The following ACBD3 variants were observed in gnomAD, a reference collection of about 807,000 sequenced individuals.
The protein encoded by ACBD3 is acyl-CoA binding domain containing 3.
A neutral mutation model predicts 66.9 loss-of-function variants in ACBD3; 30 were observed. The observed-to-expected ratio is 0.45, with a 90% CI of 0.34 to 0.61. The LOEUF is 0.61. ACBD3 is among the 20% of genes least tolerant of loss of function. The pLI is 0.02. For missense variants in ACBD3, 544 were observed against 664.5 expected, an observed-to-expected ratio of 0.82 and a Z score of 1.99; for synonymous variants, 278 against 259.8, an observed-to-expected ratio of 1.07 and a Z score of -0.68.
At chr1:226,182,920 T>C (rs1398431001) in intron 1 of ACBD3, among the ~76,000 whole-genome samples, 3 of 152,188 alleles carry the variant, frequency 2.0e-5, no homozygotes, top group South Asian at 2.1e-4. Flanking sequence ...AAGTCAATAA[T>C]GTCTGAAATT....
intron 6 of ACBD3, among the ~76,000 whole-genome samples, chr1:226,153,864 G>T (rs542455344): frequency 6.6e-6 from 1 of 152,230 alleles, no homozygotes; most frequent in East Asian, 1.9e-4. Context: ...TATAAGGATT[G>T]GTATGTGTGA....
intron 5 of ACBD3, among the ~76,000 whole-genome samples, chr1:226,158,190 C>CAAGGAATTTAAAG (rs1659710067): frequency 6.6e-6 from 1 of 152,152 alleles, no homozygotes; most frequent in African/African-American, 2.4e-5. Flanking sequence ...TACACATTTT[C>CAAGGAATTTAAAG]AAGGAATTTA....
intron 1 of ACBD3, among the ~76,000 whole-genome samples, chr1:226,166,613 C>T (rs766737183): frequency 2.2e-4 from 33 of 151,406 alleles, no homozygotes; most frequent in Non-Finnish European, 3.8e-4. Flanking sequence ...AGTCACCCAA[C>T]TACCTGGGAC....
In ACBD3 at chr1:226,146,724, C is replaced by T. The variant is rs951075269; in HGVS notation, c.1473G>A (p.Val491=). The T allele has an allele frequency of 2.5e-6, 4 of 1,614,098 alleles. No individual in the cohort carries two copies. The highest frequency in any genetic ancestry group is 3.4e-6 in the Non-Finnish European group (4 of 1,180,024). Residue 491 remains valine, a synonymous_variant, in exon 8 of 8, where the codon GTG becomes GTA. Transcript: ENST00000366812. The part of the protein sequence containing the change: ...PVYRRDCHEE[V]YAGSHQYPGR... Reference sequence around the variant, plus strand: ...CTGGATATTGATGGCTGCCAGCATACACCTCCTCATGACAGTCCCGTCGGT... The same window carrying T: ...CTGGATATTGATGGCTGCCAGCATATACCTCCTCATGACAGTCCCGTCGGT...
In ACBD3 at chr1:226,186,512, CCT is replaced by C. The variant is rs1461846383; in HGVS notation, c.162_163del (p.Glu56AlafsTer51). 1 of 1,414,124 alleles carries C rather than the reference CCT, an allele frequency of 7.1e-7. No individual in the cohort carries two copies. The highest frequency in any genetic ancestry group is 1.5e-5 in the African/African-American group (1 of 66,328). 87.6% of individuals were successfully genotyped at this position (1,414,124 alleles called of 1,614,324 possible). A position where few individuals can be genotyped will look rare whatever the true frequency, so the allele number is the denominator to read the frequency against. On this transcript the variant is annotated frameshift_variant, in exon 1 of 8. Coordinates refer to ENST00000366812, the MANE Select transcript of ACBD3 (RefSeq NM_022735.4). LOFTEE classifies it high-confidence loss of function. ...CGCCTCCCCGGGCTCGGGCTGCTCCCCTGAGGCGCCCGGGCCGCGACCGGATC... is the reference window on the plus strand; with the variant it reads ...CGCCTCCCCGGGCTCGGGCTGCTCCCGAGGCGCCCGGGCCGCGACCGGATC...
At chr1:226,171,909 A>T (rs1316212339) in intron 1 of ACBD3, among the ~76,000 whole-genome samples, 2 of 151,812 alleles carry the variant, frequency 1.3e-5, no homozygotes, top group East Asian at 3.9e-4. Flanking sequence ...TAATCCCGGC[A>T]CTTTGGGAGG....
intron 7 of ACBD3, among the ~76,000 whole-genome samples, chr1:226,151,472 T>C (rs150327070): frequency 6.6e-6 from 1 of 152,388 alleles, no homozygotes; most frequent in East Asian, 1.9e-4. Context: ...CAAGATATTT[T>C]AGACTGTCCT....
intron 1 of ACBD3, among the ~76,000 whole-genome samples, chr1:226,182,255 T>C (rs1490306346): frequency 6.6e-6 from 1 of 151,974 alleles, no homozygotes; most frequent in African/African-American, 2.4e-5. Flanking sequence ...TGAGCAACTT[T>C]GCTCCTCCCT....
At chr1:226,172,180 ATTTTCAGTGCTAGTCCTGGTC>A (rs775989814) in intron 1 of ACBD3, among the ~76,000 whole-genome samples, 11,289 of 135,464 alleles carry the variant, frequency 0.083, 635 homozygotes, top group East Asian at 0.13. Context: ...AGAGGAATAC[ATTTTCAGTGCTAGTCCTGGTC>A]AGGCAAACAG....
At chr1:226,163,740 T>C (rs763522941) in intron 3 of ACBD3, among the ~76,000 whole-genome samples, 3 of 152,346 alleles carry the variant, frequency 2.0e-5, no homozygotes, top group Middle Eastern at 3.4e-3. Flanking sequence ...CTTTCTATTA[T>C]GTCCCTAATT....
At chr1:226,154,587 C>CT in intron 6 of ACBD3, 60 bp downstream of exon 6, 1 of 1,529,352 alleles carries the variant, frequency 6.5e-7, no homozygotes, top group Non-Finnish European at 8.8e-7. Context: ...GACTTCATGA[C>CT]TTTTGCCTTT....
At chr1:226,166,751 TGCTGGCATTAC>T (rs1319272280) in intron 1 of ACBD3, among the ~76,000 whole-genome samples, 1 of 152,154 alleles carries the variant, frequency 6.6e-6, no homozygotes, top group Non-Finnish European at 1.5e-5. Context: ...TATCCCAAAG[TGCTGGCATTAC>T]AAGTGTGGAC....
rs945027171 is a variant in ACBD3, at chr1:226,152,262, T to G, written c.1375+73A>C. 1.9e-6 allele frequency: 3 copies of G among 1,555,578 alleles called. No homozygotes were observed. The African/African-American group carries it at 4.1e-5, about 21-fold the overall frequency. The stretch of plus-strand genomic sequence containing the variant: ...GTTAGTCAGGAAGCATAAGGCTGGG[T>G]GACACCTGAACTATGTACCATTTCT... On this transcript the variant is annotated intron_variant, in intron 7 of 7. Transcript: ENST00000366812.
At chr1:226,152,964 G>A (rs535786338) in intron 6 of ACBD3, among the ~76,000 whole-genome samples, 1 of 152,242 alleles carries the variant, frequency 6.6e-6, no homozygotes, top group Admixed American at 6.5e-5. Flanking sequence ...GCAAGGAAGA[G>A]AGATTCTGGC....
rs1659844063 is a variant in ACBD3, at chr1:226,164,936, G to A, written c.429-7C>T. 3.3e-6 allele frequency: 5 copies of A among 1,530,078 alleles called. No individual in the cohort carries two copies. The highest frequency in any genetic ancestry group is 2.4e-5 in the East Asian group (1 of 41,920). 94.8% of individuals were successfully genotyped at this position (1,530,078 alleles called of 1,614,324 possible). A position where few individuals can be genotyped will look rare whatever the true frequency, so the allele number is the denominator to read the frequency against. ...CAGGGCTGCCCATTCTCTCCTGTAA[G>A]GAATAACAAGAAAAGTTACCTCCCC... On this transcript the variant is annotated splice_region_variant and splice_polypyrimidine_tract_variant and intron_variant, in intron 2 of 7. Transcript: ENST00000366812.
chr1:226,182,690 A>G (rs1656198413), intron 1 of ACBD3, among the ~76,000 whole-genome samples: 1 of 151,910 alleles, frequency 6.6e-6, no homozygotes. Flanking sequence ...TCTCCATCAA[A>G]CTGCTTTCTA....
intron 6 of ACBD3, 121 bp downstream of exon 6, chr1:226,154,526 A>C: frequency 8.5e-7 from 1 of 1,174,714 alleles, no homozygotes; most frequent in Non-Finnish European, 1.2e-6. Flanking sequence ...GAGTAAAAAA[A>C]TGTTCAACTC....
At chr1:226,174,263 A>G (rs961443949) in intron 1 of ACBD3, among the ~76,000 whole-genome samples, 2 of 152,162 alleles carry the variant, frequency 1.3e-5, no homozygotes, top group Non-Finnish European at 2.9e-5. Context: ...CGGCTCTTGC[A>G]CTCATTAATT....
intron 1 of ACBD3, among the ~76,000 whole-genome samples, chr1:226,172,654 AAAAC>A (rs1346773330): frequency 6.6e-6 from 1 of 152,122 alleles, no homozygotes; most frequent in Non-Finnish European, 1.5e-5. Context: ...AAAAATCAAG[AAAAC>A]AAACAGCCAG....
Sources: allele counts gnomAD v4.1 joint callset (sites outside exome capture counted in the v4.1 genomes callset), GRCh38; gene constraint gnomAD v4.1.1; transcripts MANE v1.5; gene names NCBI Gene and HGNC (gene_info 2026-07-23, HGNC 2026-07-21).